Variants in PCDHGB2 observed in about 807,000 individuals in gnomAD.
PCDHGB2 encodes protocadherin gamma subfamily B, 2, also known as protocadherin gamma-B2.
A neutral mutation model predicts 59.3 loss-of-function variants in PCDHGB2; 55 were observed. The ratio of observed to expected loss-of-function variants is 0.93; its 90% CI spans 0.75 to 1.16. The LOEUF (loss-of-function observed/expected upper bound fraction) is 1.16, where lower values mean the gene tolerates loss of function less well. PCDHGB2 is among the 50% of genes most tolerant of loss of function. The probability of loss-of-function intolerance (pLI) is 0.00; values close to 1 mark genes in which losing one functional copy is unlikely to be tolerated. For missense variants in PCDHGB2, 1,228 were observed against 1,198.5 expected (o/e 1.02, Z -0.36); for synonymous variants, 516 against 512.0 (o/e 1.01, Z -0.11).
intron 1 of PCDHGB2, chr5:141,375,062 C>T (rs377179051): frequency 5.6e-6 from 9 of 1,613,878 alleles, no homozygotes; most frequent in Non-Finnish European, 7.6e-6. Context: ...TGGGCCAGGT[C>T]TTCGAGACAG....
chr5:141,401,350 A>G (rs1046893336), intron 1 of PCDHGB2, among the ~76,000 whole-genome samples: 2 of 152,226 alleles, frequency 1.3e-5, no homozygotes, highest in Non-Finnish European at 2.9e-5. Flanking sequence ...CTCAAAAAAA[A>G]GGAAGGAGAA....
rs748950800 is a variant in PCDHGB2, at chr5:141,476,983, C to T, written c.2422-17824C>T. ...ACTCCTTCGGCAGCCACAACCGCGC[C>T]GGCGTGCGGCAACTATTCGCCTTAG... On this transcript the variant is annotated intron_variant, in intron 1 of 3. Transcript: ENST00000522605. The surrounding 1 kb of genome is among the most constrained non-coding windows in gnomAD (Gnocchi z 7.6). 12 of 1,614,096 alleles carry T rather than the reference C, an allele frequency of 7.4e-6. No individual in the cohort carries two copies. The highest frequency in any genetic ancestry group is 8.5e-7 in the Non-Finnish European group (1 of 1,180,046).
chr5:141,413,785 C>T (rs771027783), intron 1 of PCDHGB2: 1 of 1,613,186 alleles, frequency 6.2e-7, no homozygotes, highest in Non-Finnish European at 8.5e-7. Flanking sequence ...GGAGCACTCC[C>T]TAGATCGCGA....
chr5:141,383,143 G>A (rs371358932), intron 1 of PCDHGB2: 2 of 1,613,972 alleles, frequency 1.2e-6, no homozygotes, highest in Non-Finnish European at 8.5e-7. Context: ...CCAGCGCAGC[G>A]GCAGCTTGGT....
chr5:141,410,458 T>C (rs776990737), intron 1 of PCDHGB2: 9 of 1,613,922 alleles, frequency 5.6e-6, no homozygotes, highest in Middle Eastern at 3.3e-4. Context: ...CTTATTCTTA[T>C]AATCTGTGCA....
chr5:141,480,816 G>A (rs1400500941), intron 1 of PCDHGB2, among the ~76,000 whole-genome samples: 4 of 152,208 alleles, frequency 2.6e-5, no homozygotes, highest in Admixed American at 2.0e-4. Flanking sequence ...GGAGGCTGAG[G>A]TGGGTGGATC....
intron 1 of PCDHGB2, chr5:141,408,742 A>G: frequency 6.2e-7 from 1 of 1,610,074 alleles, no homozygotes; most frequent in Non-Finnish European, 8.5e-7. Flanking sequence ...ATTTTTCATT[A>G]ATGGTTAGAG....
rs1223431294 is a variant in PCDHGB2, at chr5:141,490,280, C to T, written c.2422-4527C>T. ...GATGTGGGGGATGTCAATGACAATG[C>T]CCCAGAGGTGCTATTGGCCTCTTTG... On this transcript the variant is annotated intron_variant, in intron 1 of 3. Transcript: ENST00000522605. The surrounding 1 kb of genome is among the most constrained non-coding windows in gnomAD (Gnocchi z 5.4). The T allele has an allele frequency of 5.6e-6, 9 of 1,614,216 alleles. No individual in the cohort carries two copies. In the East Asian group the frequency reaches 1.8e-4, roughly 32 times the overall value.
intron 1 of PCDHGB2, among the ~76,000 whole-genome samples, chr5:141,437,614 A>G (rs113599071): frequency 3.1e-4 from 47 of 152,242 alleles, no homozygotes; most frequent in Non-Finnish European, 5.1e-4. Flanking sequence ...AATCTGCTTT[A>G]TCCCCATATA....
intron 1 of PCDHGB2, among the ~76,000 whole-genome samples, chr5:141,381,049 T>C (rs1384350654): frequency 2.0e-5 from 3 of 152,252 alleles, no homozygotes; most frequent in Admixed American, 2.0e-4. Context: ...TTATCTACTT[T>C]GTGAATGCAA....
chr5:141,409,628 G>T (rs367728235), intron 1 of PCDHGB2: 1 of 1,613,848 alleles, frequency 6.2e-7, no homozygotes. Flanking sequence ...GCAAGTGAGC[G>T]CCTCTGACCC....
In PCDHGB2 at chr5:141,477,629, C is replaced by A. The variant is rs1191573380; in HGVS notation, c.2422-17178C>A. The A allele has an allele frequency of 6.2e-7, 1 of 1,614,040 alleles. No individual in the cohort carries two copies. The highest frequency in any genetic ancestry group is 8.5e-7 in the Non-Finnish European group (1 of 1,180,040). ...CTTGGAGCAAGGAGCTGAAACCGGGCTAGTGGGTCGCTATTTCACAATAAA... is the reference window on the plus strand; with the variant it reads ...CTTGGAGCAAGGAGCTGAAACCGGGATAGTGGGTCGCTATTTCACAATAAA... On this transcript the variant is annotated intron_variant, in intron 1 of 3. Coordinates refer to ENST00000522605, the MANE Select transcript of PCDHGB2 (RefSeq NM_018923.3). The surrounding 1 kb of genome is among the most constrained non-coding windows in gnomAD (Gnocchi z 4.9).
At chr5:141,414,457 G>C in intron 1 of PCDHGB2, 2 of 1,613,872 alleles carry the variant, frequency 1.2e-6, no homozygotes, top group Non-Finnish European at 1.7e-6. Flanking sequence ...CACAGTGACA[G>C]CCACAGATGG....
At chr5:141,409,707 C>T in intron 1 of PCDHGB2, 1 of 1,613,248 alleles carries the variant, frequency 6.2e-7, no homozygotes, top group Non-Finnish European at 8.5e-7. Flanking sequence ...CTGGCGGTGT[C>T]GTCATACGTG....
At chr5:141,363,977 G>A (rs1763129841) in intron 1 of PCDHGB2, among the ~76,000 whole-genome samples, 1 of 152,178 alleles carries the variant, frequency 6.6e-6, no homozygotes, top group African/African-American at 2.4e-5. Flanking sequence ...TTGCTATTCA[G>A]AATTAAAGCT....
At chr5:141,396,781 G>T (rs1270995904) in intron 1 of PCDHGB2, 1 of 152,204 alleles carries the variant, frequency 6.6e-6, no homozygotes, top group East Asian at 1.9e-4. Context: ...TTAATGAAAA[G>T]GACATTTCCT....
intron 1 of PCDHGB2, chr5:141,408,241 G>A: frequency 1.3e-6 from 2 of 1,580,050 alleles, no homozygotes; most frequent in Non-Finnish European, 1.7e-6. Flanking sequence ...GGGCCGGCCC[G>A]CGGCAGGTGC....
intron 1 of PCDHGB2, chr5:141,442,449 T>TA (rs1488731055): frequency 6.6e-6 from 1 of 152,210 alleles, no homozygotes; most frequent in African/African-American, 2.4e-5. Context: ...CAGGACTCAA[T>TA]AGCAGTTTCA....
chr5:141,427,705 C>T (rs2097059995), intron 1 of PCDHGB2: 1 of 983,052 alleles, frequency 1.0e-6, no homozygotes, highest in African/African-American at 1.6e-5. Flanking sequence ...CAAGTCAGCG[C>T]CTCTGACCTG....
Sources: allele counts gnomAD v4.1 joint callset (sites outside exome capture counted in the v4.1 genomes callset), GRCh38; gene constraint gnomAD v4.1.1; non-coding constraint Gnocchi (gnomAD v3.1); transcripts MANE v1.5; gene names NCBI Gene and HGNC (gene_info 2026-07-23, HGNC 2026-07-21).